Variants in THSD7B observed in about 807,000 individuals in gnomAD.
THSD7B encodes the protein thrombospondin type 1 domain containing 7B, also known as thrombospondin type-1 domain-containing protein 7B.
Under a neutral mutation model 213.6 loss-of-function variants are expected in THSD7B, and 138 were observed. The ratio of observed to expected loss-of-function variants is 0.65; its 90% CI spans 0.56 to 0.74. The LOEUF (loss-of-function observed/expected upper bound fraction) is 0.74, where lower values mean the gene tolerates loss of function less well. Among genes scored for constraint, THSD7B ranks in the 30% least tolerant of loss-of-function variants. The pLI, the probability that THSD7B is intolerant of heterozygous loss-of-function variation, is 0.00. For synonymous variants in THSD7B, 742 were observed against 687.0 expected (o/e 1.08, Z -1.25); for missense variants, 1,931 against 1,991.5 (o/e 0.97, Z 0.58).
chr2:137,184,528 C>T (rs924785789), intron 7 of THSD7B, among the ~76,000 whole-genome samples: 5 of 152,126 alleles, frequency 3.3e-5, no homozygotes, highest in African/African-American at 1.2e-4. Flanking sequence ...ACAGTTGAGA[C>T]AGCTACTATG....
chr2:137,555,041 C>T (rs755130229), intron 15 of THSD7B, among the ~76,000 whole-genome samples: 4 of 152,204 alleles, frequency 2.6e-5, no homozygotes, highest in Non-Finnish European at 5.9e-5. Context: ...AATAAAGCTA[C>T]TGGGAAGCTC....
At chr2:137,442,521 G>A (rs552830801) in intron 14 of THSD7B, among the ~76,000 whole-genome samples, 3 of 152,084 alleles carry the variant, frequency 2.0e-5, no homozygotes, top group Admixed American at 2.0e-4. Context: ...TGGAGACTCT[G>A]CGCCAAGTCC....
intron 24 of THSD7B, among the ~76,000 whole-genome samples, chr2:137,658,775 A>G (rs962738489): frequency 2.0e-5 from 3 of 152,180 alleles, no homozygotes; most frequent in Admixed American, 1.3e-4. Context: ...CCCAGGGACA[A>G]TGTAGGTCTG....
At chr2:137,341,995 T>A (rs1684772577) in intron 12 of THSD7B, among the ~76,000 whole-genome samples, 1 of 151,654 alleles carries the variant, frequency 6.6e-6, no homozygotes. Context: ...TTGCTCCATA[T>A]GAATTTTAGG....
chr2:137,000,025 G>A (rs114680734), intron 2 of THSD7B, among the ~76,000 whole-genome samples: 2,796 of 152,106 alleles, frequency 0.018, 39 homozygotes, highest in East Asian at 0.042. Flanking sequence ...AACACTTCCC[G>A]TCTTTTCATA....
At chr2:136,789,321 A>AT (rs1359793870) in intron 1 of THSD7B, among the ~76,000 whole-genome samples, 2 of 151,850 alleles carry the variant, frequency 1.3e-5, no homozygotes, top group African/African-American at 4.8e-5. Context: ...ACTTAGTTTT[A>AT]TTTTTTTATT....
chr2:137,345,120 A>G (rs1479175437), intron 12 of THSD7B, among the ~76,000 whole-genome samples: 2 of 151,728 alleles, frequency 1.3e-5, no homozygotes, highest in Non-Finnish European at 3.0e-5. Context: ...AAATTGATAT[A>G]TCAAATAATC....
chr2:137,640,958 C>T (rs1682927681), intron 20 of THSD7B, among the ~76,000 whole-genome samples: 1 of 152,126 alleles, frequency 6.6e-6, no homozygotes. Context: ...GTTAGTTTAC[C>T]ACCAAATCTA....
intron 15 of THSD7B, among the ~76,000 whole-genome samples, chr2:137,515,454 A>G (rs75425312): frequency 0.038 from 5,760 of 152,196 alleles, 178 homozygotes; most frequent in Admixed American, 0.083. Flanking sequence ...ACCTATAACT[A>G]AACTAAAATC....
intron 15 of THSD7B, among the ~76,000 whole-genome samples, chr2:137,497,177 A>G (rs1679587433): frequency 2.0e-5 from 3 of 147,214 alleles, no homozygotes; most frequent in African/African-American, 7.5e-5. Context: ...AATTCTACAT[A>G]GACACACATA....
At position 137,454,392 on chromosome 2, in the gene THSD7B, A is replaced by ATCTATCTGTCTG. The variant is rs1160804861; in HGVS notation, c.3138+3372_3138+3373insATCTGTCTGTCT. On this transcript the variant is annotated intron_variant, in intron 15 of 27. Transcript: ENST00000409968. The stretch of plus-strand genomic sequence containing the variant: ...AAGAAATTCTCTTCAGAGCCATTCT[A>ATCTATCTGTCTG]TCTGTCTGTCTGTCTGTCTGTCTGT... Among the ~76,000 whole-genome samples the ATCTATCTGTCTG allele has an allele frequency of 3.8e-3, 441 of 115,066 alleles. 7 individuals are homozygous for ATCTATCTGTCTG. The highest frequency in any genetic ancestry group is 0.013 in the African/African-American group (424 of 33,482). 75.5% of individuals were successfully genotyped at this position (115,066 alleles called of 152,430 possible). A position where few individuals can be genotyped will look rare whatever the true frequency, so the allele number is the denominator to read the frequency against.
At chr2:137,526,190 G>A (rs748955457) in intron 15 of THSD7B, among the ~76,000 whole-genome samples, 3 of 152,016 alleles carry the variant, frequency 2.0e-5, no homozygotes, top group Admixed American at 6.6e-5. Context: ...CTGGGCTACT[G>A]GGTACATTCC....
intron 3 of THSD7B, among the ~76,000 whole-genome samples, chr2:137,070,750 C>T (rs1687468689): frequency 6.6e-6 from 1 of 151,352 alleles, no homozygotes. Flanking sequence ...GTATGATGTT[C>T]CCCTTCCTGT....
intron 3 of THSD7B, among the ~76,000 whole-genome samples, chr2:137,089,432 G>GTATATATA (rs895045907): frequency 1.3e-5 from 2 of 150,490 alleles, no homozygotes; most frequent in African/African-American, 4.9e-5. Flanking sequence ...GTATATATGT[G>GTATATATA]TATATATATG....
intron 1 of THSD7B, among the ~76,000 whole-genome samples, chr2:136,851,762 T>A (rs1044212383): frequency 6.6e-6 from 1 of 152,112 alleles, no homozygotes; most frequent in Admixed American, 6.6e-5. Flanking sequence ...TACAGCCTTT[T>A]TCTACAGGAC....
chr2:137,498,448 T>A (rs1679624533), intron 15 of THSD7B, among the ~76,000 whole-genome samples: 2 of 152,112 alleles, frequency 1.3e-5, no homozygotes, highest in Admixed American at 1.3e-4. Context: ...TAATTCCCTA[T>A]CCTTAAATGA....
chr2:136,862,573 A>G (rs908382523), intron 1 of THSD7B, among the ~76,000 whole-genome samples: 3 of 152,162 alleles, frequency 2.0e-5, no homozygotes, highest in African/African-American at 4.8e-5. Flanking sequence ...GGTGAAAGAA[A>G]TGTGTAAATG....
At chr2:137,370,070 T>C (rs1456433264) in intron 12 of THSD7B, among the ~76,000 whole-genome samples, 4 of 152,286 alleles carry the variant, frequency 2.6e-5, no homozygotes, top group Non-Finnish European at 4.4e-5. Context: ...TACAAACGTA[T>C]GCTCCTTTAT....
At chr2:136,807,695 A>G (rs1682309018) in intron 1 of THSD7B, among the ~76,000 whole-genome samples, 1 of 151,748 alleles carries the variant, frequency 6.6e-6, no homozygotes, top group Non-Finnish European at 1.5e-5. Context: ...TTTAGTAGAG[A>G]TGGGGTTTCA....
Sources: gnomAD v4.1 joint callset for allele counts (sites outside exome capture counted in the v4.1 genomes callset) on GRCh38, gnomAD v4.1.1 for gene constraint, MANE v1.5 for transcripts, NCBI Gene and HGNC (gene_info 2026-07-23, HGNC 2026-07-21) for gene names.